Variants in RELN observed in about 807,000 individuals in gnomAD.
The protein encoded by RELN is reelin.
Under a neutral mutation model 427.6 loss-of-function variants are expected in RELN, and 108 were observed. That is an observed-to-expected ratio of 0.25 (90% CI 0.22 to 0.30). The LOEUF is 0.30. Ranked by LOEUF, RELN falls within the 10% of genes least tolerant of loss-of-function variation. The pLI is 1.00. For synonymous variants in RELN, 1,524 were observed against 1,513.4 expected (o/e 1.01, Z -0.16); for missense variants, 3,715 against 4,302.8 (o/e 0.86, Z 3.82).
In RELN at chr7:103,640,536, T is replaced by C. The variant is rs754518201; in HGVS notation, c.2069+7A>G. 3 of 1,613,668 alleles carry C rather than the reference T, an allele frequency of 1.9e-6. No individual in the cohort carries two copies. The highest frequency in any genetic ancestry group is 8.5e-7 in the Non-Finnish European group (1 of 1,179,704). On this transcript the variant is annotated splice_region_variant and intron_variant, in intron 17 of 64. Transcript: ENST00000428762. This position sits in a 1 kb window ranked among gnomAD's most constrained non-coding sequence, Gnocchi z 4.1. Reference sequence around the variant, plus strand: ...GAGAAGCATAAGTGTTATTTTAAGATGCTTACTTGCAACCATGTCTAGTGC... The same window carrying C: ...GAGAAGCATAAGTGTTATTTTAAGACGCTTACTTGCAACCATGTCTAGTGC...
intron 24 of RELN, among the ~76,000 whole-genome samples, chr7:103,599,101 C>A (rs1277503039): frequency 6.6e-6 from 1 of 152,166 alleles, no homozygotes; most frequent in African/African-American, 2.4e-5. Flanking sequence ...ACGTTTATAA[C>A]AAAACCTCCA....
intron 2 of RELN, among the ~76,000 whole-genome samples, chr7:103,886,803 G>T (rs1794734243): frequency 6.6e-6 from 1 of 152,150 alleles, no homozygotes; most frequent in Admixed American, 6.6e-5. Flanking sequence ...CAATGTATTT[G>T]TCTTCATAAT....
intron 1 of RELN, among the ~76,000 whole-genome samples, chr7:103,934,080 G>A (rs558981141): frequency 6.6e-6 from 1 of 150,978 alleles, no homozygotes; most frequent in East Asian, 2.0e-4. Context: ...ATGACACTGT[G>A]GAATTTGTCC....
intron 50 of RELN, chr7:103,512,989 A>T (rs1829465592): frequency 6.6e-6 from 1 of 152,212 alleles, no homozygotes; most frequent in South Asian, 2.1e-4. Flanking sequence ...TATCTCTGAG[A>T]TTCAAATAGT....
chr7:103,810,334 TC>T (rs1792708459), intron 3 of RELN, among the ~76,000 whole-genome samples: 1 of 152,276 alleles, frequency 6.6e-6, no homozygotes, highest in South Asian at 2.1e-4. Context: ...CTTTTGTCAC[TC>T]GGGCCTTGAA....
rs1308120494 is a variant in RELN at position 103,562,607 on chromosome 7, C to A, written c.5211-654G>T. ...TTACCAAACAACAGTAACAGCCCCTCACTTAGGAAAAGTTTGCATAGAAGT... is the reference window on the plus strand; with the variant it reads ...TTACCAAACAACAGTAACAGCCCCTAACTTAGGAAAAGTTTGCATAGAAGT... On this transcript the variant is annotated intron_variant, in intron 34 of 64. Transcript: ENST00000428762. Among the ~76,000 whole-genome samples, 3 of 152,244 alleles carry A rather than the reference C, an allele frequency of 2.0e-5. 1 individual carries two copies. The highest frequency in any genetic ancestry group is 2.0e-4 in the Admixed American group (3 of 15,292).
chr7:103,491,241 A>G (rs1828639766), intron 58 of RELN, among the ~76,000 whole-genome samples: 1 of 152,220 alleles, frequency 6.6e-6, no homozygotes, highest in Non-Finnish European at 1.5e-5. Flanking sequence ...AATACTGTTA[A>G]TATGCTTTAG....
intron 3 of RELN, among the ~76,000 whole-genome samples, chr7:103,830,354 T>C (rs1436017906): frequency 6.6e-6 from 1 of 151,896 alleles, no homozygotes; most frequent in Non-Finnish European, 1.5e-5. Context: ...ATGAGTTAAC[T>C]AGTAATATCA....
intron 1 of RELN, among the ~76,000 whole-genome samples, chr7:103,919,776 C>G (rs980387736): frequency 3.3e-5 from 5 of 152,152 alleles, no homozygotes; most frequent in African/African-American, 4.8e-5. Flanking sequence ...CTGGTGCCAT[C>G]CAGGCAATTG....
intron 11 of RELN, among the ~76,000 whole-genome samples, chr7:103,674,536 G>A (rs1023435385): frequency 6.6e-6 from 1 of 152,112 alleles, no homozygotes; most frequent in Non-Finnish European, 1.5e-5. Flanking sequence ...GCCCTTGGGT[G>A]AGGATTCCCA....
chr7:103,519,234 C>G (rs1829643841), intron 49 of RELN, 89 bp downstream of exon 49: 1 of 999,672 alleles, frequency 1.0e-6, no homozygotes, highest in Non-Finnish European at 1.6e-6. Flanking sequence ...AGGCATAAGT[C>G]TGAGGTCCCC....
intron 2 of RELN, among the ~76,000 whole-genome samples, chr7:103,893,552 T>G (rs186895231): frequency 2.1e-4 from 32 of 152,306 alleles, no homozygotes; most frequent in African/African-American, 7.2e-4. Context: ...AATGCAAATT[T>G]TATATGCTAA....
chr7:103,565,492 A>G lies in RELN; in HGVS notation c.4996T>C (p.Phe1666Leu), dbSNP rs1259162544. The part of the protein sequence containing the change: ...FHVSASTFLQ[F>L]EMSMGCSKPF... ...TTGCTACAGCCCATGCTCATTTCAA[A>G]CTGCAAAAAGGTAGATGCTGACACA... The change falls in exon 34 of 65, where the codon TTT becomes CTT. Residue 1666 changes from phenylalanine (F) to leucine (L), a missense_variant. Phe to Leu is a conservative substitution (Grantham distance 22). Transcript: ENST00000428762. 3 of 1,613,896 alleles carry G rather than the reference A, an allele frequency of 1.9e-6. No homozygotes were observed. The highest frequency in any genetic ancestry group is 2.5e-6 in the Non-Finnish European group (3 of 1,179,918).
rs191121162 is a variant in RELN at position 103,566,149 on chromosome 7, T to C, written c.4936+75A>G. ...AGGCACACGGTTTTGCATTAGAAAG[T>C]TTTCTCCTGACTTTTAGTTAATTTA... is the stretch of plus-strand genomic sequence containing the variant. On this transcript the variant is annotated intron_variant, in intron 33 of 64. Coordinates refer to ENST00000428762, the MANE Select transcript of RELN (RefSeq NM_005045.4). 1.4e-3 allele frequency: 1,833 copies of C among 1,347,868 alleles called. 15 individuals are homozygous for C. Among genetic ancestry groups the C allele is most frequent in the South Asian group, 0.012 (999 of 83,590 alleles). The allele number at this position is 1,347,868 out of a possible 1,614,324, so 83.5% of individuals were successfully genotyped here.
At chr7:103,790,928 T>A (rs560031721) in intron 3 of RELN, among the ~76,000 whole-genome samples, 1 of 151,898 alleles carries the variant, frequency 6.6e-6, no homozygotes. Context: ...GCCACTGCAC[T>A]CCAGCCTGGG....
chr7:103,751,816 G>A (rs1791009675), intron 5 of RELN, among the ~76,000 whole-genome samples: 1 of 152,136 alleles, frequency 6.6e-6, no homozygotes, highest in African/African-American at 2.4e-5. Flanking sequence ...AAATTAATTG[G>A]GTTTATAGGT....
chr7:103,869,920 C>T (rs1794288731), intron 2 of RELN, among the ~76,000 whole-genome samples: 1 of 152,114 alleles, frequency 6.6e-6, no homozygotes, highest in Non-Finnish European at 1.5e-5. Flanking sequence ...TCCCTGAAGT[C>T]TTTCTTCAAA....
chr7:103,851,683 A>G (rs1793825660), intron 2 of RELN, among the ~76,000 whole-genome samples: 2 of 152,082 alleles, frequency 1.3e-5, no homozygotes, highest in East Asian at 1.9e-4. Context: ...TCTTCAGTCA[A>G]CTTCCTGTAG....
intron 22 of RELN, among the ~76,000 whole-genome samples, chr7:103,605,417 C>G (rs994521491): frequency 2.6e-5 from 4 of 152,146 alleles, no homozygotes; most frequent in Non-Finnish European, 4.4e-5. Flanking sequence ...GTTCATTACA[C>G]AGACAGAAAC....
Sources: gnomAD v4.1 joint callset for allele counts (sites outside exome capture counted in the v4.1 genomes callset) on GRCh38, gnomAD v4.1.1 for gene constraint, Gnocchi (gnomAD v3.1) non-coding constraint, MANE v1.5 for transcripts, NCBI Gene and HGNC (gene_info 2026-07-23, HGNC 2026-07-21) for gene names.